SDK1: variants seen among roughly 807,000 people sequenced by gnomAD.
The protein encoded by SDK1 is protein sidekick-1.
SDK1 carries 157 observed loss-of-function variants against 245.5 expected under a neutral mutation model. The observed-to-expected ratio is 0.64, with a 90% confidence interval of 0.56 to 0.73. SDK1 has a LOEUF of 0.73. Ranked by LOEUF, SDK1 falls within the 30% of genes least tolerant of loss-of-function variation. The pLI is 0.00. For synonymous variants in SDK1, 1,647 were observed against 1,278.5 expected (o/e 1.29, Z -6.15); for missense variants, 3,583 against 3,002.3 (o/e 1.19, Z -4.52).
chr7:4,048,783 G>A (rs1789217442), intron 17 of SDK1, among the ~76,000 whole-genome samples: 1 of 152,134 alleles, frequency 6.6e-6, no homozygotes, highest in Non-Finnish European at 1.5e-5. Flanking sequence ...TATATAATTG[G>A]GTTCAATAGC....
intron 1 of SDK1, among the ~76,000 whole-genome samples, chr7:3,393,690 G>T (rs891975592): frequency 3.9e-5 from 6 of 152,082 alleles, no homozygotes; most frequent in African/African-American, 1.4e-4. Flanking sequence ...ATTTCTGCTT[G>T]ATTCTTTTTA....
intron 4 of SDK1, among the ~76,000 whole-genome samples, chr7:3,667,990 T>G (rs1562643353): frequency 6.6e-6 from 1 of 152,194 alleles, no homozygotes; most frequent in Non-Finnish European, 1.5e-5. Context: ...TAAGTGTATG[T>G]TTATTTAACT....
At chr7:3,953,820 A>G (rs1486984206) in intron 7 of SDK1, among the ~76,000 whole-genome samples, 1 of 152,164 alleles carries the variant, frequency 6.6e-6, no homozygotes, top group East Asian at 1.9e-4. Flanking sequence ...CTTCTTTATG[A>G]TGTTGAGTTA....
At chr7:4,217,380 CA>C (rs1305632591) in intron 38 of SDK1, among the ~76,000 whole-genome samples, 1 of 142,098 alleles carries the variant, frequency 7.0e-6, no homozygotes, top group Non-Finnish European at 1.5e-5. Context: ...AGCACCAGGC[CA>C]CCCGGAGCAC....
chr7:3,381,032 A>G (rs1781474833), intron 1 of SDK1, among the ~76,000 whole-genome samples: 2 of 152,178 alleles, frequency 1.3e-5, no homozygotes, highest in Admixed American at 1.3e-4. Flanking sequence ...GGATATTGGT[A>G]GGCAACTTGC....
intron 1 of SDK1, among the ~76,000 whole-genome samples, chr7:3,543,724 C>T (rs1779122805): frequency 6.6e-6 from 1 of 152,178 alleles, no homozygotes; most frequent in Non-Finnish European, 1.5e-5. Context: ...GTTACCTGGA[C>T]TTCATGTTTA....
At chr7:3,484,247 A>G (rs1781607737) in intron 1 of SDK1, among the ~76,000 whole-genome samples, 1 of 152,204 alleles carries the variant, frequency 6.6e-6, no homozygotes, top group African/African-American at 2.4e-5. Flanking sequence ...CCAATACTGT[A>G]CAGTTTTGTA....
At chr7:3,480,956 T>G (rs1781503607) in intron 1 of SDK1, among the ~76,000 whole-genome samples, 1 of 152,240 alleles carries the variant, frequency 6.6e-6, no homozygotes, top group African/African-American at 2.4e-5. Flanking sequence ...CCTTGTGTTT[T>G]AAGTGTGTCT....
chr7:3,556,368 T>C (rs1223404278), intron 1 of SDK1, among the ~76,000 whole-genome samples: 2 of 152,046 alleles, frequency 1.3e-5, no homozygotes, highest in African/African-American at 4.8e-5. Flanking sequence ...ATTGAACTCA[T>C]GGAGATAAAG....
chr7:3,549,407 T>C (rs925558214), intron 1 of SDK1, among the ~76,000 whole-genome samples: 1 of 152,220 alleles, frequency 6.6e-6, no homozygotes, highest in African/African-American at 2.4e-5. Context: ...ATACATAGAA[T>C]TCTTTGTGAG....
At chr7:4,191,754 CA>C (rs1476433416) in intron 35 of SDK1, among the ~76,000 whole-genome samples, 17 of 152,304 alleles carry the variant, frequency 1.1e-4, no homozygotes, top group Non-Finnish European at 2.2e-4. Context: ...TCAGGGTGGA[CA>C]GGGGGCTGCA....
At chr7:4,198,370 C>T (rs911661562) in intron 35 of SDK1, among the ~76,000 whole-genome samples, 3 of 152,310 alleles carry the variant, frequency 2.0e-5, no homozygotes, top group Admixed American at 2.0e-4. Flanking sequence ...GACACCTGGG[C>T]CAGGTGCCTT....
chr7:3,351,885 G>A (rs900846330), intron 1 of SDK1, among the ~76,000 whole-genome samples: 2 of 151,908 alleles, frequency 1.3e-5, no homozygotes, highest in Middle Eastern at 3.4e-3. Context: ...GAACAAATCT[G>A]ACCTCATGGA....
At chr7:3,369,067 C>A (rs1254571008) in intron 1 of SDK1, among the ~76,000 whole-genome samples, 1 of 151,466 alleles carries the variant, frequency 6.6e-6, no homozygotes, top group Admixed American at 6.6e-5. Flanking sequence ...CTTTTTGAGA[C>A]AGAGTCTTGC....
At chr7:3,857,662 G>A (rs536425784) in intron 5 of SDK1, among the ~76,000 whole-genome samples, 21 of 151,322 alleles carry the variant, frequency 1.4e-4, no homozygotes, top group African/African-American at 5.1e-4. Context: ...ACTCCAGCCT[G>A]GCCGACAGAG....
At chr7:3,657,243 G>A (rs1783214587) in intron 4 of SDK1, among the ~76,000 whole-genome samples, 1 of 152,192 alleles carries the variant, frequency 6.6e-6, no homozygotes, top group African/African-American at 2.4e-5. Flanking sequence ...GAAAGATCAA[G>A]GCAGTCGTAC....
At chr7:3,783,068 A>T (rs1478930317) in intron 4 of SDK1, among the ~76,000 whole-genome samples, 1 of 152,238 alleles carries the variant, frequency 6.6e-6, no homozygotes, top group Non-Finnish European at 1.5e-5. Flanking sequence ...GGTTCACCAT[A>T]CACAAATCAA....
At chr7:3,797,872 T>G (rs1367268766) in intron 4 of SDK1, among the ~76,000 whole-genome samples, 1 of 152,196 alleles carries the variant, frequency 6.6e-6, no homozygotes, top group Non-Finnish European at 1.5e-5. Context: ...CTCACTTTTC[T>G]GTACAGATGT....
chr7:3,787,562 A>G (rs577530910), intron 4 of SDK1, among the ~76,000 whole-genome samples: 2 of 152,238 alleles, frequency 1.3e-5, no homozygotes, highest in African/African-American at 4.8e-5. Flanking sequence ...CTTCTCCTCA[A>G]TTTCTGTGTC....
Sources: gnomAD v4.1 joint callset for allele counts (sites outside exome capture counted in the v4.1 genomes callset) on GRCh38, gnomAD v4.1.1 for gene constraint, MANE v1.5 for transcripts, NCBI Gene and HGNC (gene_info 2026-07-23, HGNC 2026-07-21) for gene names.